GALNT14: variants seen among roughly 807,000 people sequenced by gnomAD.
GALNT14 encodes UDP-GalNAc:polypeptide N-acetylgalactosaminyltransferase 14.
GALNT14 carries 60 observed loss-of-function variants against 77.5 expected under a neutral mutation model. The ratio of observed to expected loss-of-function variants is 0.77; its 90% CI spans 0.63 to 0.96. The LOEUF is 0.96. Ranked by LOEUF, GALNT14 falls within the 40% of genes least tolerant of loss-of-function variation. The probability of loss-of-function intolerance (pLI) is 0.00; values close to 1 mark genes in which losing one functional copy is unlikely to be tolerated. For synonymous variants in GALNT14, 280 were observed against 281.7 expected (o/e 0.99, Z 0.06); for missense variants, 710 against 731.0 (o/e 0.97, Z 0.33).
At chr2:31,027,427 CAA>C (rs539336965) in intron 1 of GALNT14, among the ~76,000 whole-genome samples, 5,249 of 58,740 alleles carry the variant, frequency 0.089, 308 homozygotes, top group African/African-American at 0.21. Flanking sequence ...CAAAACAAAG[CAA>C]AAAAAAAAAA....
intron 1 of GALNT14, among the ~76,000 whole-genome samples, chr2:31,015,383 C>G (rs1671290073): frequency 6.6e-6 from 1 of 151,628 alleles, no homozygotes. Flanking sequence ...GCAGGGCACC[C>G]CAAATCCACT....
chr2:31,126,790 A>G (rs1678727304), intron 1 of GALNT14: 1 of 152,228 alleles, frequency 6.6e-6, no homozygotes, highest in Non-Finnish European at 1.5e-5. Context: ...CCTCCACTCT[A>G]CGACCCATCA....
At chr2:30,920,197 A>G (rs1664946590) in intron 13 of GALNT14, among the ~76,000 whole-genome samples, 1 of 152,214 alleles carries the variant, frequency 6.6e-6, no homozygotes, top group African/African-American at 2.4e-5. Context: ...CTCCAAATCC[A>G]TCTTCACCGT....
intron 1 of GALNT14, among the ~76,000 whole-genome samples, chr2:30,996,930 T>G (rs1204503260): frequency 6.6e-6 from 1 of 152,162 alleles, no homozygotes; most frequent in Non-Finnish European, 1.5e-5. Flanking sequence ...TAAATAATGG[T>G]GAAGGTGTGT....
At chr2:30,908,877 C>G (rs1664220133), downstream of GALNT14, among the ~76,000 whole-genome samples, 1 of 149,598 alleles carries the variant, frequency 6.7e-6, no homozygotes, top group South Asian at 2.1e-4. Flanking sequence ...ATCAATGGAA[C>G]AGAACAGAGC....
At chr2:30,990,640 GC>G (rs1669638973) in intron 2 of GALNT14, among the ~76,000 whole-genome samples, 1 of 152,236 alleles carries the variant, frequency 6.6e-6, no homozygotes, top group Admixed American at 6.5e-5. Context: ...CACAGTGCTA[GC>G]CTGGGGCTTT....
intron 1 of GALNT14, among the ~76,000 whole-genome samples, chr2:31,030,961 T>A (rs1214062400): frequency 3.3e-5 from 5 of 152,204 alleles, no homozygotes; most frequent in Non-Finnish European, 7.3e-5. Context: ...TAGCCCCAGC[T>A]GAAGGCCAGA....
chr2:31,009,600 G>A (rs1015431182), intron 1 of GALNT14, among the ~76,000 whole-genome samples: 5 of 152,042 alleles, frequency 3.3e-5, no homozygotes, highest in South Asian at 2.1e-4. Flanking sequence ...TCAAAAAAAC[G>A]CCTACTGGAC....
At chr2:30,975,374 C>T (rs1218238818) in intron 2 of GALNT14, among the ~76,000 whole-genome samples, 2 of 152,334 alleles carry the variant, frequency 1.3e-5, no homozygotes, top group Non-Finnish European at 2.9e-5. Context: ...AGTAGGGCAG[C>T]CATGAGCCAC....
At chr2:31,092,429 G>A (rs1301130506) in intron 1 of GALNT14, among the ~76,000 whole-genome samples, 1 of 152,090 alleles carries the variant, frequency 6.6e-6, no homozygotes, top group Non-Finnish European at 1.5e-5. Context: ...TTGGGGTTAA[G>A]TTCATTATAA....
At chr2:31,024,883 A>G (rs1212478089) in intron 1 of GALNT14, among the ~76,000 whole-genome samples, 1 of 152,204 alleles carries the variant, frequency 6.6e-6, no homozygotes, top group Non-Finnish European at 1.5e-5. Context: ...CTCTAGGACC[A>G]TGAGCTGGCA....
chr2:31,024,576 CT>C (rs1479298473), intron 1 of GALNT14, among the ~76,000 whole-genome samples: 2 of 152,190 alleles, frequency 1.3e-5, no homozygotes, highest in Admixed American at 1.3e-4. Context: ...TGAACCTCAC[CT>C]CTTCCAAGAC....
At chr2:31,133,961 A>T (rs1168041810) in intron 1 of GALNT14, among the ~76,000 whole-genome samples, 1 of 152,226 alleles carries the variant, frequency 6.6e-6, no homozygotes, top group Non-Finnish European at 1.5e-5. Flanking sequence ...CTAAGAAAAA[A>T]GTCTAATAAA....
chr2:31,111,752 AT>A (rs557214531), intron 1 of GALNT14, among the ~76,000 whole-genome samples: 2,195 of 148,784 alleles, frequency 0.015, 48 homozygotes, highest in African/African-American at 0.051. Flanking sequence ...TGCTTAAAAC[AT>A]TTTTTTTTTC....
chr2:30,930,357 C>T (rs897885424), intron 10 of GALNT14, among the ~76,000 whole-genome samples: 1 of 152,234 alleles, frequency 6.6e-6, no homozygotes, highest in Admixed American at 6.5e-5. Flanking sequence ...ATAGGCCATG[C>T]AGTTAGCCTG....
chr2:31,077,954 T>C (rs191857741), intron 1 of GALNT14, among the ~76,000 whole-genome samples: 8 of 152,338 alleles, frequency 5.3e-5, no homozygotes, highest in African/African-American at 1.9e-4. Flanking sequence ...AATAGAGTTG[T>C]GGAGCCTAAC....
chr2:30,957,915 A>T (rs1396767136), intron 4 of GALNT14, among the ~76,000 whole-genome samples: 1 of 152,208 alleles, frequency 6.6e-6, no homozygotes, highest in Non-Finnish European at 1.5e-5. Context: ...TACATTTCAA[A>T]TTTGATGCAC....
chr2:31,091,627 A>C (rs901566730), intron 1 of GALNT14, among the ~76,000 whole-genome samples: 1 of 152,228 alleles, frequency 6.6e-6, no homozygotes, highest in African/African-American at 2.4e-5. Context: ...TATTTATCAC[A>C]GTTCTGGAAC....
intron 1 of GALNT14, among the ~76,000 whole-genome samples, chr2:31,105,893 C>T (rs532738924): frequency 1.3e-5 from 2 of 152,238 alleles, no homozygotes; most frequent in East Asian, 3.9e-4. Context: ...ACTTTTCTAG[C>T]CTTCCTTCTT....
Sources: allele counts gnomAD v4.1 joint callset (sites outside exome capture counted in the v4.1 genomes callset), GRCh38; gene constraint gnomAD v4.1.1; transcripts MANE v1.5; gene names NCBI Gene and HGNC (gene_info 2026-07-23, HGNC 2026-07-21).